SLC4A3: variants seen among roughly 807,000 people sequenced by gnomAD.
SLC4A3 encodes the protein solute carrier family 4 member 3.
Under a neutral mutation model 114.2 loss-of-function variants are expected in SLC4A3, and 47 were observed. The observed-to-expected ratio is 0.41, with a 90% CI of 0.33 to 0.52. The LOEUF (loss-of-function observed/expected upper bound fraction) is 0.52. SLC4A3 is among the 20% of genes least tolerant of loss of function. The probability of loss-of-function intolerance (pLI) is 0.21; values close to 1 mark genes in which losing one functional copy is unlikely to be tolerated. For synonymous variants in SLC4A3, 693 were observed against 710.3 expected, an observed-to-expected ratio of 0.98 and a Z score of 0.39; for missense variants, 1,312 against 1,668.3, an observed-to-expected ratio of 0.79 and a Z score of 3.72.
chr2:219,637,576 C>T lies in SLC4A3; in HGVS notation c.2536-5C>T, dbSNP rs759774533. ...TGACAAGGCATCCTTGTTATCCACACACAGGTGTTCACAGAGCACCCACTG... is the reference window on the plus strand; with the variant it reads ...TGACAAGGCATCCTTGTTATCCACATACAGGTGTTCACAGAGCACCCACTG... On this transcript the variant is annotated splice_polypyrimidine_tract_variant and splice_region_variant and intron_variant, in intron 16 of 22. Transcript: ENST00000358055. The surrounding 1 kb of genome is among the most constrained non-coding windows in gnomAD (Gnocchi z 4.6). 1.3e-6 allele frequency: 2 copies of T among 1,515,818 alleles called. No homozygotes were observed. The highest frequency in any genetic ancestry group is 1.8e-6 in the Non-Finnish European group (2 of 1,105,374). The allele number at this position is 1,515,818 out of a possible 1,614,324, so 93.9% of individuals were successfully genotyped here. A position where few individuals can be genotyped will look rare whatever the true frequency, so the allele number is the denominator to read the frequency against.
At position 219,634,620 on chromosome 2, in the gene SLC4A3, G is replaced by T. The variant is rs1574651910; in HGVS notation, c.1746+16G>T. 6.2e-7 allele frequency: 1 copy of T among 1,612,050 alleles called. No individual in the cohort carries two copies. The highest frequency in any genetic ancestry group is 8.5e-7 in the Non-Finnish European group (1 of 1,178,972). On this transcript the variant is annotated intron_variant, in intron 12 of 22. Transcript: ENST00000358055. ...GTCTGACAAGGTTGGGCGCGTGCTG[G>T]CTCTCAAGGCCTCTTCTCCTAGGCC... is the stretch of plus-strand genomic sequence containing the variant.
At position 219,639,004 on chromosome 2, in the gene SLC4A3, G is replaced by A; in HGVS notation, c.3023+135G>A. On this transcript the variant is annotated intron_variant, in intron 19 of 22. Transcript: ENST00000358055. The surrounding 1 kb of genome is among the most constrained non-coding windows in gnomAD (Gnocchi z 5.9). ...GTGGTGGGAGCTGGTGGCAATCCTT[G>A]AGGAAGAGAGTGTGTGTGGAGGAGC... 2 of 970,628 alleles carry A rather than the reference G, an allele frequency of 2.1e-6. No homozygotes were observed. The highest frequency in any genetic ancestry group is 3.1e-6 in the Non-Finnish European group (2 of 637,936). 60.1% of individuals were successfully genotyped at this position (970,628 alleles called of 1,614,324 possible). A position where few individuals can be genotyped will look rare whatever the true frequency, so the allele number is the denominator to read the frequency against.
chr2:219,630,334 G>T lies in SLC4A3; in HGVS notation c.793G>T (p.Asp265Tyr). 1.2e-6 allele frequency: 2 copies of T among 1,606,304 alleles called. No individual in the cohort carries two copies. The highest frequency in any genetic ancestry group is 1.3e-5 in the African/African-American group (1 of 74,878). ...GGAGGCCCAGATGCTGGGTTCTGCA[G>T]ACCTGGACGACATGAAGAGTGAGTG... The part of the protein sequence containing the change: ...EAEAQMLGSA[D>Y]LDDMKSHRLE... The change falls in exon 6 of 23, where the codon GAC becomes TAC. Residue 265 changes from aspartate to tyrosine, a missense_variant. Physicochemically the swap from Asp to Tyr is radical, Grantham distance 160. Transcript: ENST00000358055. This position sits in a 1 kb window ranked among gnomAD's most constrained non-coding sequence, Gnocchi z 6.9.
At position 219,628,497 on chromosome 2, in the gene SLC4A3, G is replaced by T; in HGVS notation, c.144G>T (p.Gly48=). 1 of 1,613,808 alleles carries T rather than the reference G, an allele frequency of 6.2e-7. No individual in the cohort carries two copies. The highest frequency in any genetic ancestry group is 8.5e-7 in the Non-Finnish European group (1 of 1,179,900). ...AGACCTTGGCTGTGAGCAGGTTTGG[G>T]GACCTCATCAGCAAGCCCCCGGCCT... ...LGKTLAVSRF[G]DLISKPPAWD... Residue 48 remains glycine, a synonymous_variant, in exon 3 of 23, where the codon GGG becomes GGT. Transcript: ENST00000358055. The surrounding 1 kb of genome is among the most constrained non-coding windows in gnomAD (Gnocchi z 4.8).
chr2:219,629,843 T>C lies in SLC4A3; in HGVS notation c.611+148T>C, dbSNP rs180987810. ...GCAGGGTGTGGGAGGGGGGTGGGGA[T>C]CCTTCTCTGTCCTCATGATTTACAA... On this transcript the variant is annotated intron_variant, in intron 5 of 22. Coordinates refer to ENST00000358055, the MANE Select transcript of SLC4A3 (RefSeq NM_005070.4). 411 of 305,584 alleles carry C rather than the reference T, an allele frequency of 1.3e-3. 2 individuals are homozygous for C. The highest frequency in any genetic ancestry group is 0.011 in the African/African-American group (362 of 34,098). 18.9% of individuals were successfully genotyped at this position (305,584 alleles called of 1,614,324 possible). A position where few individuals can be genotyped will look rare whatever the true frequency, so the allele number is the denominator to read the frequency against.
rs1193663768 is a variant in SLC4A3, at chr2:219,631,273, A to G, written c.812-695A>G. 9.3e-6 allele frequency: 12 copies of G among 1,292,900 alleles called. No homozygotes were observed. Among genetic ancestry groups the G allele is most frequent in the South Asian group, 5.0e-5 (4 of 80,472 alleles). 80.1% of individuals were successfully genotyped at this position (1,292,900 alleles called of 1,614,324 possible). On this transcript the variant is annotated intron_variant, in intron 6 of 22. Coordinates refer to ENST00000358055, the MANE Select transcript of SLC4A3 (RefSeq NM_005070.4). This position sits in a 1 kb window ranked among gnomAD's most constrained non-coding sequence, Gnocchi z 6.3. Reference sequence around the variant, plus strand: ...CCACTGGAGAAGGACCCTGAGCCCAATGGGGCACTGAGCCCTGGGCCTGGG... The same window carrying G: ...CCACTGGAGAAGGACCCTGAGCCCAGTGGGGCACTGAGCCCTGGGCCTGGG...
intron 21 of SLC4A3, 51 bp downstream of exon 21, chr2:219,640,650 C>T (rs1699294041): frequency 1.3e-6 from 2 of 1,591,946 alleles, no homozygotes; most frequent in Non-Finnish European, 1.7e-6. Context: ...GGAAGGGGAT[C>T]CAGAGGGATC....
At position 219,638,976 on chromosome 2, in the gene SLC4A3, T is replaced by A; in HGVS notation, c.3023+107T>A. The A allele has an allele frequency of 1.6e-6, 2 of 1,256,308 alleles. No homozygotes were observed. Among genetic ancestry groups the A allele is most frequent in the Non-Finnish European group, 2.3e-6 (2 of 887,972 alleles). The allele number at this position is 1,256,308 out of a possible 1,614,324, so 77.8% of individuals were successfully genotyped here. A position where few individuals can be genotyped will look rare whatever the true frequency, so the allele number is the denominator to read the frequency against. ...GACATCATTATCAGTATCAGGGTGC[T>A]GGGTGGTGGGAGCTGGTGGCAATCC... On this transcript the variant is annotated intron_variant, in intron 19 of 22. Transcript: ENST00000358055. This position sits in a 1 kb window ranked among gnomAD's most constrained non-coding sequence, Gnocchi z 7.5.
chr2:219,630,261 C>T lies in SLC4A3; in HGVS notation c.720C>T (p.Ala240=). The change falls in exon 6 of 23, where the codon GCC becomes GCT. Residue 240 remains alanine (A), a synonymous_variant. Coordinates refer to ENST00000358055, the MANE Select transcript of SLC4A3 (RefSeq NM_005070.4). The surrounding 1 kb of genome is among the most constrained non-coding windows in gnomAD (Gnocchi z 6.9). The part of the protein sequence containing the change: ...DLRERLCPGS[A]LGNPGGPEQQ... Reference sequence around the variant, plus strand: ...GGGAGCGACTGTGCCCAGGCAGTGCCCTGGGCAACCCAGGTGGTCCAGAGC... The same window carrying T: ...GGGAGCGACTGTGCCCAGGCAGTGCTCTGGGCAACCCAGGTGGTCCAGAGC... 6.2e-7 allele frequency: 1 copy of T among 1,613,448 alleles called. No individual in the cohort carries two copies. The highest frequency in any genetic ancestry group is 2.2e-5 in the East Asian group (1 of 44,854).
intron 7 of SLC4A3, 43 bp downstream of exon 7, chr2:219,632,159 C>A: frequency 6.2e-7 from 1 of 1,607,226 alleles, no homozygotes. Context: ...CCTCATGCCC[C>A]TCGGCCCCGG....
chr2:219,629,805 T>G, intron 5 of SLC4A3, 110 bp downstream of exon 5: 1 of 371,268 alleles, frequency 2.7e-6, no homozygotes, highest in Non-Finnish European at 4.4e-6. Flanking sequence ...GCTCTGACCC[T>G]GAGAAAAGAG....
In SLC4A3 at chr2:219,632,317, G is replaced by A. The variant is rs775084024; in HGVS notation, c.1016G>A (p.Arg339Gln). Residue 339 changes from arginine to glutamine, a missense_variant, in exon 8 of 23, where the codon CGG becomes CAG. Arg to Gln is a conservative substitution (Grantham distance 43). Coordinates refer to ENST00000358055, the MANE Select transcript of SLC4A3 (RefSeq NM_005070.4). ...GACCGCAGCCAGGAGCCCCACTGGC[G>A]GGAGACGGCCCGCTGGATCAAGTTT... ...MLDRSQEPHW[R>Q]ETARWIKFEE... 8.7e-6 allele frequency: 14 copies of A among 1,614,000 alleles called. No individual in the cohort carries two copies. In the Admixed American group the frequency reaches 1.0e-4, roughly 12 times the overall value.
Position 219,641,465 on chromosome 2 carries a change from T to C in SLC4A3, c.3622-186T>C, listed in dbSNP as rs982387800. ...TATTATCACCAGGAGGGGCCAGGTA[T>C]CTGGTCTGGGAGGTGACCTGAAGGC... On this transcript the variant is annotated intron_variant, in intron 22 of 22. Transcript: ENST00000358055. This position sits in a 1 kb window ranked among gnomAD's most constrained non-coding sequence, Gnocchi z 4.0. 6.6e-6 allele frequency among the ~76,000 whole-genome samples: 1 copy of C among 152,114 alleles called. No homozygotes were observed. The highest frequency in any genetic ancestry group is 1.5e-5 in the Non-Finnish European group (1 of 68,020).
rs760696205 is a variant in SLC4A3 at position 219,638,762 on chromosome 2, C to T, written c.2916C>T (p.Ile972=). The T allele has an allele frequency of 3.1e-6, 5 of 1,614,016 alleles. No homozygotes were observed. Among genetic ancestry groups the T allele is most frequent in the Non-Finnish European group, 4.2e-6 (5 of 1,180,024 alleles). Residue 972 remains isoleucine, a synonymous_variant, in exon 19 of 23, where the codon ATC becomes ATT. Transcript: ENST00000358055. The surrounding 1 kb of genome is among the most constrained non-coding windows in gnomAD (Gnocchi z 7.5). The part of the protein sequence containing the change: ...VTSPDKRSWF[I]PPLGSARPFP... The stretch of plus-strand genomic sequence containing the variant: ...CTCCCGATAAGCGCTCGTGGTTCAT[C>T]CCACCCCTGGGCAGTGCCCGTCCTT...
Position 219,630,471 on chromosome 2 carries a change from G to C in SLC4A3, c.811+119G>C. ...AGGGCTGAGTCCTCTCTGAATCCCTGTCTGCTGGGATGTGGCCAGTGATGG... is the reference window on the plus strand; with the variant it reads ...AGGGCTGAGTCCTCTCTGAATCCCTCTCTGCTGGGATGTGGCCAGTGATGG... On this transcript the variant is annotated intron_variant, in intron 6 of 22. Transcript: ENST00000358055. The surrounding 1 kb of genome is among the most constrained non-coding windows in gnomAD (Gnocchi z 6.9). 1 of 1,128,282 alleles carries C rather than the reference G, an allele frequency of 8.9e-7. No homozygotes were observed. Among genetic ancestry groups the C allele is most frequent in the Non-Finnish European group, 1.2e-6 (1 of 813,610 alleles). The allele number at this position is 1,128,282 out of a possible 1,614,324, so 69.9% of individuals were successfully genotyped here. A position where few individuals can be genotyped will look rare whatever the true frequency, so the allele number is the denominator to read the frequency against.
At position 219,630,055 on chromosome 2, in the gene SLC4A3, C is replaced by A; in HGVS notation, c.612-98C>A. 6.5e-7 allele frequency: 1 copy of A among 1,537,974 alleles called. No homozygotes were observed. On this transcript the variant is annotated intron_variant, in intron 5 of 22. Transcript: ENST00000358055. This position sits in a 1 kb window ranked among gnomAD's most constrained non-coding sequence, Gnocchi z 6.9. ...GCCCAGGAGGGGCCTGGGTCTCATG[C>A]TCAGGGTCTACTCCAGGCCGTGCTC...
At chr2:219,629,754 C>T in intron 5 of SLC4A3, 59 bp downstream of exon 5, 1 of 1,197,100 alleles carries the variant, frequency 8.4e-7, no homozygotes, top group Admixed American at 2.2e-5. Flanking sequence ...GTCCAGAGCT[C>T]CTGGCAGTCA....
In SLC4A3 at chr2:219,628,744, C is replaced by T. The variant is rs942309662; in HGVS notation, c.217+174C>T. The T allele has an allele frequency of 1.4e-5, 10 of 706,976 alleles. No individual in the cohort carries two copies. The highest frequency in any genetic ancestry group is 3.0e-5 in the Admixed American group (1 of 33,578). The allele number at this position is 706,976 out of a possible 1,614,324, so 43.8% of individuals were successfully genotyped here. ...CAGTCATCCTGCCTCCCCCACCCAT[C>T]GCCTGTCCGCCTGCCTGGGGAGGTG... On this transcript the variant is annotated intron_variant, in intron 3 of 22. Transcript: ENST00000358055. This position sits in a 1 kb window ranked among gnomAD's most constrained non-coding sequence, Gnocchi z 4.8.
Position 219,629,580 on chromosome 2 carries a change from T to C in SLC4A3, c.496T>C (p.Phe166Leu). Residue 166 changes from phenylalanine (F) to leucine (L), a missense_variant and splice_region_variant, in exon 5 of 23, where the codon TTC (phenylalanine) becomes CTC (leucine). By Grantham distance (22) the Phe-to-Leu change is conservative. Transcript: ENST00000358055. ...CCCAGGGCACATTCTATGTCTGCAG[T>C]TCTCCATTGGAAGTGACGAGGATGA... is the stretch of plus-strand genomic sequence containing the variant. Reference protein sequence around the residue: ...PHSGTPQKAKFSIGSDEDDSP... With the variant: ...PHSGTPQKAKLSIGSDEDDSP... The C allele has an allele frequency of 5.0e-6, 8 of 1,608,892 alleles. No homozygotes were observed. The highest frequency in any genetic ancestry group is 6.0e-6 in the Non-Finnish European group (7 of 1,175,874).
Sources: gnomAD v4.1 joint callset for allele counts (sites outside exome capture counted in the v4.1 genomes callset) on GRCh38, gnomAD v4.1.1 for gene constraint, Gnocchi (gnomAD v3.1) non-coding constraint, MANE v1.5 for transcripts, NCBI Gene and HGNC (gene_info 2026-07-23, HGNC 2026-07-21) for gene names.